SECISBP2L: variants seen among roughly 807,000 people sequenced by gnomAD.
SECISBP2L encodes SECIS binding protein 2 like.
Under a neutral mutation model 114.7 loss-of-function variants are expected in SECISBP2L, and 43 were observed. The observed-to-expected ratio is 0.38, with a 90% CI of 0.29 to 0.48. SECISBP2L has a LOEUF of 0.48. Among genes scored for constraint, SECISBP2L ranks in the 20% least tolerant of loss-of-function variants. SECISBP2L has a pLI of 0.98. For synonymous variants in SECISBP2L, 451 were observed against 439.7 expected (o/e 1.03, Z -0.32); for missense variants, 1,136 against 1,301.1 (o/e 0.87, Z 1.95).
chr15:49,025,795 A>G (rs1902729394), intron 7 of SECISBP2L, among the ~76,000 whole-genome samples: 1 of 152,220 alleles, frequency 6.6e-6, no homozygotes, highest in Non-Finnish European at 1.5e-5. Context: ...GGGAATGTAA[A>G]TTAGTATGAC....
At chr15:49,020,028 G>A (rs941948484) in intron 7 of SECISBP2L, among the ~76,000 whole-genome samples, 1 of 152,190 alleles carries the variant, frequency 6.6e-6, no homozygotes, top group African/African-American at 2.4e-5. Context: ...ATTAGAAAGG[G>A]AGAATAGATC....
intron 7 of SECISBP2L, among the ~76,000 whole-genome samples, chr15:49,022,529 G>A (rs1902660530): frequency 6.6e-6 from 1 of 151,576 alleles, no homozygotes; most frequent in Non-Finnish European, 1.5e-5. Flanking sequence ...TTGAACCCAG[G>A]AGGAGGAGGT....
chr15:48,997,393 A>G (rs1658902733), intron 16 of SECISBP2L, among the ~76,000 whole-genome samples: 1 of 152,240 alleles, frequency 6.6e-6, no homozygotes, highest in Non-Finnish European at 1.5e-5. Flanking sequence ...TAGGACCTTG[A>G]AGATGATGAA....
intron 2 of SECISBP2L, among the ~76,000 whole-genome samples, chr15:49,036,213 C>T (rs1413391760): frequency 6.6e-6 from 1 of 152,214 alleles, no homozygotes; most frequent in African/African-American, 2.4e-5. Context: ...GAAGCAGGCT[C>T]TGGGTCCAAG....
intron 14 of SECISBP2L, among the ~76,000 whole-genome samples, chr15:49,008,850 A>C (rs895353481): frequency 1.3e-5 from 2 of 152,226 alleles, no homozygotes; most frequent in African/African-American, 4.8e-5. Context: ...AAACCTATTA[A>C]TTGGTTAGAG....
At chr15:49,043,710 TTAAA>T (rs1229078192) in intron 1 of SECISBP2L, among the ~76,000 whole-genome samples, 1 of 151,918 alleles carries the variant, frequency 6.6e-6, no homozygotes. Context: ...GCTATTTTGA[TTAAA>T]TACAGAGAAT....
At chr15:49,011,710 G>T in intron 13 of SECISBP2L, 21 bp downstream of exon 13, 1 of 1,613,198 alleles carries the variant, frequency 6.2e-7, no homozygotes, top group Non-Finnish European at 8.5e-7. Context: ...ATGAGAAGAG[G>T]AGAAAGGGGG....
intron 11 of SECISBP2L, chr15:49,016,313 A>G (rs536419204): frequency 3.0e-5 from 10 of 336,676 alleles, no homozygotes; most frequent in African/African-American, 1.7e-4. Flanking sequence ...TAGAGTATGG[A>G]TATGTTTTGC....
Position 49,010,511 on chromosome 15 carries a change from TTTTG to T in SECISBP2L, c.1865-1137_1865-1134del, listed in dbSNP as rs920915051. 3.9e-5 allele frequency among the ~76,000 whole-genome samples: 6 copies of T among 152,228 alleles called. No homozygotes were observed. In the South Asian group the frequency reaches 6.2e-4, roughly 16 times the overall value. ...TACACATGGTGTTTTTTTTTGGTTT[TTTTG>T]TTTGTTTGTTTTTGATACAGGGTCT... On this transcript the variant is annotated intron_variant, in intron 13 of 17. Coordinates refer to ENST00000559471, the MANE Select transcript of SECISBP2L (RefSeq NM_001193489.2).
intron 17 of SECISBP2L, among the ~76,000 whole-genome samples, chr15:48,993,650 C>G (rs1011615453): frequency 1.3e-5 from 2 of 151,654 alleles, no homozygotes; most frequent in Admixed American, 1.3e-4. Flanking sequence ...AAGAATCCAT[C>G]CATGCATTTC....
chr15:49,040,009 T>A (rs1375281579), intron 1 of SECISBP2L, among the ~76,000 whole-genome samples: 1 of 152,006 alleles, frequency 6.6e-6, no homozygotes, highest in African/African-American at 2.4e-5. Context: ...TTTTCTGACC[T>A]CTCCCCCCAA....
chr15:49,020,230 G>A (rs923004582), intron 7 of SECISBP2L, among the ~76,000 whole-genome samples: 5 of 152,010 alleles, frequency 3.3e-5, no homozygotes, highest in Non-Finnish European at 7.4e-5. Context: ...TTTTAGAGAC[G>A]TGATCTTGCT....
intron 2 of SECISBP2L, among the ~76,000 whole-genome samples, chr15:49,037,061 C>A (rs1005380683): frequency 3.3e-5 from 5 of 151,960 alleles, no homozygotes; most frequent in Admixed American, 2.6e-4. Flanking sequence ...ATAAGTAACA[C>A]CCTAACCACT....
intron 9 of SECISBP2L, 77 bp from the exon 10 acceptor site, chr15:49,017,092 G>T: frequency 6.8e-7 from 1 of 1,462,002 alleles, no homozygotes; most frequent in Non-Finnish European, 9.3e-7. Context: ...CCAGAATGTG[G>T]GATGTTCTGC....
chr15:49,031,990 T>C (rs1280571841), intron 4 of SECISBP2L, among the ~76,000 whole-genome samples: 1 of 152,216 alleles, frequency 6.6e-6, no homozygotes, highest in Non-Finnish European at 1.5e-5. Context: ...CAAAGCTTCA[T>C]GCCTTTATGC....
chr15:49,034,216 A>T (rs188492817), intron 3 of SECISBP2L, among the ~76,000 whole-genome samples: 52 of 152,304 alleles, frequency 3.4e-4, no homozygotes, highest in African/African-American at 1.3e-3. Flanking sequence ...GAATCTAGGG[A>T]AAGCATCAAC....
rs999190860 is a variant in SECISBP2L, at chr15:49,006,222, C to T, written c.2027+2994G>A. Among the ~76,000 whole-genome samples, 6 of 152,200 alleles carry T rather than the reference C, an allele frequency of 3.9e-5. No individual in the cohort carries two copies. In the South Asian group the frequency reaches 6.2e-4, roughly 16 times the overall value. On this transcript the variant is annotated intron_variant, in intron 14 of 17. Coordinates refer to ENST00000559471, the MANE Select transcript of SECISBP2L (RefSeq NM_001193489.2). The stretch of plus-strand genomic sequence containing the variant: ...AACCTTGGTGAATCTGATGCTTTGT[C>T]TCTTGGGTTTGTTCTTCTCAAGGAG...
intron 1 of SECISBP2L, among the ~76,000 whole-genome samples, chr15:49,041,400 A>G (rs1267658889): frequency 6.6e-6 from 1 of 152,238 alleles, no homozygotes; most frequent in African/African-American, 2.4e-5. Flanking sequence ...ACTCTGTCAG[A>G]GTATGAAACA....
chr15:49,027,254 A>T lies in SECISBP2L; in HGVS notation c.1035+111T>A, dbSNP rs1360630543. 9.2e-6 allele frequency: 6 copies of T among 650,210 alleles called. No individual in the cohort carries two copies. In the Admixed American group the frequency reaches 1.5e-4, roughly 17 times the overall value. The allele number at this position is 650,210 out of a possible 1,614,324, so 40.3% of individuals were successfully genotyped here. On this transcript the variant is annotated intron_variant, in intron 7 of 17. Transcript: ENST00000559471. ...AAGCCATTTTAAAGTTACACATGAT[A>T]GTTCACTTCCAAATCACTCCATGTG... is the stretch of plus-strand genomic sequence containing the variant.
Sources: gnomAD v4.1 joint callset for allele counts (sites outside exome capture counted in the v4.1 genomes callset) on GRCh38, gnomAD v4.1.1 for gene constraint, MANE v1.5 for transcripts, NCBI Gene and HGNC (gene_info 2026-07-23, HGNC 2026-07-21) for gene names.